The following EXD3 variants were observed in gnomAD, a reference collection of about 807,000 sequenced individuals.
The protein encoded by EXD3 is exonuclease mut-7 homolog.
In EXD3, 92 loss-of-function variants were observed where a neutral mutation model predicts 98.0. The observed-to-expected ratio is 0.94, with a 90% CI of 0.79 to 1.12. The LOEUF is 1.12. Among genes scored for constraint, EXD3 ranks in the 50% most tolerant of loss-of-function variants. The probability of loss-of-function intolerance (pLI) is 0.00; values close to 1 mark genes in which losing one functional copy is unlikely to be tolerated. For synonymous variants in EXD3, 569 were observed against 526.0 expected (o/e 1.08, Z -1.12); for missense variants, 1,222 against 1,191.6 (o/e 1.03, Z -0.38).
intron 17 of EXD3, among the ~76,000 whole-genome samples, chr9:137,340,252 C>T (rs915996066): frequency 1.3e-5 from 2 of 151,922 alleles, no homozygotes; most frequent in Non-Finnish European, 1.5e-5. Flanking sequence ...CTGAGGCGGG[C>T]GGATCATGAG....
At position 137,328,596 on chromosome 9, in the gene EXD3, A is replaced by G. The variant is rs866132011; in HGVS notation, c.1999-4453T>C. Among the ~76,000 whole-genome samples, 32 of 53,252 alleles carry G rather than the reference A, an allele frequency of 6.0e-4. 2 individuals carry two copies. The highest frequency in any genetic ancestry group is 2.1e-3 in the African/African-American group (20 of 9,542). 34.9% of individuals were successfully genotyped at this position (53,252 alleles called of 152,430 possible). On this transcript the variant is annotated intron_variant, in intron 17 of 21. Transcript: ENST00000340951. The stretch of plus-strand genomic sequence containing the variant: ...TTACACAGGAGCTACACGGGACTAC[A>G]CGGGACTACACGGGGCTACACGGGA...
intron 5 of EXD3, among the ~76,000 whole-genome samples, chr9:137,370,096 G>A (rs976824440): frequency 6.6e-6 from 1 of 152,164 alleles, no homozygotes; most frequent in African/African-American, 2.4e-5. Flanking sequence ...GCTTGCTCAT[G>A]GGCAGCCCTG....
intron 5 of EXD3, 43 bp downstream of exon 5, chr9:137,372,862 G>C: frequency 1.3e-6 from 2 of 1,589,510 alleles, no homozygotes; most frequent in Non-Finnish European, 1.7e-6. Context: ...CCCACCGCCC[G>C]AGAAGCCGTT....
In EXD3 at chr9:137,395,423, A is replaced by G; in HGVS notation, c.-47-19T>C. The G allele has an allele frequency of 6.2e-7, 1 of 1,609,030 alleles. No individual in the cohort carries two copies. Among genetic ancestry groups the G allele is most frequent in the South Asian group, 1.1e-5 (1 of 90,770 alleles). ...CGAGGATCTGCAGAAACAGACAATCAGGTGAATGCAGAGCCCACTGCAACA... is the reference window on the plus strand; with the variant it reads ...CGAGGATCTGCAGAAACAGACAATCGGGTGAATGCAGAGCCCACTGCAACA... On this transcript the variant is annotated intron_variant, in intron 1 of 21. Coordinates refer to ENST00000340951, the MANE Select transcript of EXD3 (RefSeq NM_017820.5). This position sits in a 1 kb window ranked among gnomAD's most constrained non-coding sequence, Gnocchi z 6.5.
At chr9:137,414,622 C>T (rs1195952462) in intron 1 of EXD3, among the ~76,000 whole-genome samples, 3 of 152,174 alleles carry the variant, frequency 2.0e-5, no homozygotes, top group African/African-American at 4.8e-5. Context: ...ACGCCTGTTG[C>T]GGTCTGTCTT....
chr9:137,398,177 G>A (rs112937736), intron 1 of EXD3, among the ~76,000 whole-genome samples: 25 of 152,186 alleles, frequency 1.6e-4, no homozygotes, highest in African/African-American at 5.8e-4. Flanking sequence ...AAGAACGAGG[G>A]GGAAAGACAG....
At chr9:137,325,202 CTTTTT>C (rs1832327046) in intron 17 of EXD3, among the ~76,000 whole-genome samples, 1 of 152,258 alleles carries the variant, frequency 6.6e-6, no homozygotes, top group South Asian at 2.1e-4. Context: ...GGAGCCCGAG[CTTTTT>C]GGAGAAATGA....
chr9:137,384,201 G>A (rs1321723656), intron 2 of EXD3, among the ~76,000 whole-genome samples: 5 of 152,216 alleles, frequency 3.3e-5, no homozygotes, highest in East Asian at 3.9e-4. Flanking sequence ...GGAAGGCCCC[G>A]TGTTGCTGCG....
At chr9:137,344,058 AT>A (rs1833798700) in intron 17 of EXD3, among the ~76,000 whole-genome samples, 1 of 139,286 alleles carries the variant, frequency 7.2e-6, no homozygotes, top group Admixed American at 7.2e-5. Context: ...CACCTGGCTA[AT>A]TTTTTATATT....
chr9:137,379,552 GCTT>G (rs1294383767), intron 3 of EXD3, among the ~76,000 whole-genome samples: 1 of 151,914 alleles, frequency 6.6e-6, no homozygotes, highest in East Asian at 1.9e-4. Context: ...TACGGGGTTT[GCTT>G]CTGAAGCGAT....
rs1345694229 is a variant in EXD3 at position 137,349,682 on chromosome 9, A to T, written c.1495-151T>A. ...CAGCAGAGACGGGGAGAAGGAGCGG[A>T]CACATCCGAGGAGAGGCTCCACGTG... On this transcript the variant is annotated intron_variant, in intron 14 of 21. Transcript: ENST00000340951. This position sits in a 1 kb window ranked among gnomAD's most constrained non-coding sequence, Gnocchi z 7.4. Among the ~76,000 whole-genome samples the T allele has an allele frequency of 6.6e-6, 1 of 152,040 alleles. No individual in the cohort carries two copies. Among genetic ancestry groups the T allele is most frequent in the African/African-American group, 2.4e-5 (1 of 41,404 alleles).
chr9:137,384,697 G>A (rs1246325869), intron 2 of EXD3, among the ~76,000 whole-genome samples: 1 of 152,236 alleles, frequency 6.6e-6, no homozygotes. Flanking sequence ...TCAATGCTCA[G>A]CACAAGCCAA....
rs183366676 is a variant in EXD3, at chr9:137,380,018, A to G, written c.120+3295T>C. Among the ~76,000 whole-genome samples the G allele has an allele frequency of 6.8e-3, 1,039 of 151,728 alleles. 10 individuals are homozygous for G. Among genetic ancestry groups the G allele is most frequent in the African/African-American group, 0.024 (991 of 41,334 alleles). On this transcript the variant is annotated intron_variant, in intron 3 of 21. Coordinates refer to ENST00000340951, the MANE Select transcript of EXD3 (RefSeq NM_017820.5). ...CCAGCCCGTTGTTCCGGGAGACTTC[A>G]GTCCTGGCCCAGGCATCTCCTTCCA...
chr9:137,335,943 GA>G (rs2119166912), intron 17 of EXD3, among the ~76,000 whole-genome samples: 2 of 152,250 alleles, frequency 1.3e-5, no homozygotes, highest in African/African-American at 4.8e-5. Context: ...ATATACCATG[GA>G]ATACTACTCA....
chr9:137,374,903 G>T (rs1588379157), intron 3 of EXD3: 12 of 968,330 alleles, frequency 1.2e-5, no homozygotes, highest in Non-Finnish European at 1.5e-5. Context: ...GCCCTAGTGA[G>T]ATCTAGCTCT....
rs1479813400 is a variant in EXD3, at chr9:137,311,808, A to G, written c.2185-2108T>C. ...GCCTCCCTGTCCATCTGTCCACTCC[A>G]GGGCTGGCAGCCCTTGCTGGACCGA... On this transcript the variant is annotated intron_variant, in intron 19 of 21. Transcript: ENST00000340951. Among the ~76,000 whole-genome samples the G allele has an allele frequency of 2.6e-5, 4 of 152,244 alleles. No homozygotes were observed. In the East Asian group the frequency reaches 5.8e-4, roughly 22 times the overall value.
chr9:137,392,800 G>A (rs17855282), intron 2 of EXD3: 123,167 of 307,002 alleles, frequency 0.4, 26,583 homozygotes, highest in Non-Finnish European at 0.46. Context: ...CATCGAGGCT[G>A]TTCTGTGGGG....
intron 1 of EXD3, among the ~76,000 whole-genome samples, chr9:137,398,052 G>A (rs546104139): frequency 1.4e-4 from 22 of 152,330 alleles, no homozygotes; most frequent in Non-Finnish European, 2.1e-4. Context: ...ATGGAAACTC[G>A]GCAATAAAAA....
chr9:137,372,824 G>A, intron 5 of EXD3, 81 bp downstream of exon 5: 1 of 1,441,140 alleles, frequency 6.9e-7, no homozygotes, highest in Admixed American at 1.9e-5. Flanking sequence ...CCCACACAGA[G>A]GCGGCCCTGA....
Sources: allele counts gnomAD v4.1 joint callset (sites outside exome capture counted in the v4.1 genomes callset), GRCh38; gene constraint gnomAD v4.1.1; non-coding constraint Gnocchi (gnomAD v3.1); transcripts MANE v1.5; gene names NCBI Gene and HGNC (gene_info 2026-07-23, HGNC 2026-07-21).